MST1R: variants seen among roughly 807,000 people sequenced by gnomAD.
The protein encoded by MST1R is macrophage stimulating 1 receptor.
Under a neutral mutation model 117.8 loss-of-function variants are expected in MST1R, and 99 were observed. The ratio of observed to expected loss-of-function variants is 0.84; its 90% CI spans 0.71 to 0.99. The LOEUF is 0.99. MST1R is among the 50% of genes least tolerant of loss of function. MST1R has a pLI of 0.00. For missense variants in MST1R, 1,683 were observed against 1,840.2 expected (o/e 0.91, Z 1.56); for synonymous variants, 734 against 765.3 (o/e 0.96, Z 0.68).
At chr3:49,902,312 A>T in intron 1 of MST1R, 68 bp downstream of exon 1, 1 of 1,505,910 alleles carries the variant, frequency 6.6e-7, no homozygotes, top group Non-Finnish European at 9.0e-7. Context: ...TCAGTGATGG[A>T]AGGGAAGCAG....
chr3:49,888,136 A>G (rs1215016319), intron 19 of MST1R, among the ~76,000 whole-genome samples: 1 of 151,944 alleles, frequency 6.6e-6, no homozygotes, highest in African/African-American at 2.4e-5. Context: ...TACTAAAAAT[A>G]CAAAAATTAA....
In MST1R at chr3:49,895,390, T is replaced by G. The variant is rs766465288; in HGVS notation, c.3065-17A>C. The G allele has an allele frequency of 6.2e-7, 1 of 1,614,024 alleles. No homozygotes were observed. ...CAGGGAGTGCTGTGGGGAGAGGGAA[T>G]GAGGAGCTTGTAGGGACAGGGGGTG... On this transcript the variant is annotated splice_polypyrimidine_tract_variant and intron_variant, in intron 13 of 19. Transcript: ENST00000296474.
At chr3:49,900,849 G>A (rs1012327062) in intron 1 of MST1R, among the ~76,000 whole-genome samples, 4 of 152,196 alleles carry the variant, frequency 2.6e-5, no homozygotes, top group African/African-American at 4.8e-5. Context: ...AGTGTCCAAT[G>A]TCCCATGGAG....
Position 49,898,938 on chromosome 3 carries a change from C to G in MST1R, c.1477G>C (p.Asp493His). The change falls in exon 3 of 20, where the codon GAC becomes CAC. Residue 493 changes from aspartate (D) to histidine (H), a missense_variant. Asp to His is a moderately conservative substitution (Grantham distance 81, BLOSUM62 -1). Transcript: ENST00000296474. ...LLYVSNFSLG[D>H]SGQPVQRDVS... ...TCCCGCTGCACGGGCTGCCCACTGT[C>G]ACCCAGTGAGAAGTTGGACACATAC... 1 of 1,614,204 alleles carries G rather than the reference C, an allele frequency of 6.2e-7. No homozygotes were observed.
rs1454465380 is a variant in MST1R, at chr3:49,896,636, G to A, written c.2346-3C>T. 2 of 1,614,108 alleles carry A rather than the reference G, an allele frequency of 1.2e-6. No homozygotes were observed. Among genetic ancestry groups the A allele is most frequent in the African/African-American group, 1.3e-5 (1 of 75,070 alleles). On this transcript the variant is annotated splice_polypyrimidine_tract_variant and splice_region_variant and intron_variant, in intron 8 of 19. Coordinates refer to ENST00000296474, the MANE Select transcript of MST1R (RefSeq NM_002447.4). ...CACAGATGGTGATGTGGGAGTTGCT[G>A]TGGAAGAGGGTAGGGTGGTAGGCTT...
intron 15 of MST1R, 72 bp downstream of exon 15, chr3:49,891,686 G>A: frequency 6.2e-7 from 1 of 1,608,120 alleles, no homozygotes; most frequent in South Asian, 1.1e-5. Context: ...CAGTAAGGTG[G>A]GAACACAGAG....
At position 49,895,283 on chromosome 3, in the gene MST1R, A is replaced by G; in HGVS notation, c.3155T>C (p.Leu1052Pro). The change falls in exon 14 of 20, where the codon CTG becomes CCG. Residue 1052 changes from leucine to proline, a missense_variant. Physicochemically the swap from Leu to Pro is moderately conservative, Grantham distance 98. Coordinates refer to ENST00000296474, the MANE Select transcript of MST1R (RefSeq NM_002447.4). ...DSEDESCVPL[L>P]RKESIQLRDL... ...CCTTAGCTGGATGGACTCTTTCCGCAGCAGTGGCACACAGGATTCATCTTC... is the reference window on the plus strand; with the variant it reads ...CCTTAGCTGGATGGACTCTTTCCGCGGCAGTGGCACACAGGATTCATCTTC... 1 of 1,614,238 alleles carries G rather than the reference A, an allele frequency of 6.2e-7. No individual in the cohort carries two copies. Among genetic ancestry groups the G allele is most frequent in the South Asian group, 1.1e-5 (1 of 91,088 alleles).
At chr3:49,890,682 C>A in intron 17 of MST1R, 32 bp from the exon 18 acceptor site, 3 of 1,583,216 alleles carry the variant, frequency 1.9e-6, no homozygotes, top group Non-Finnish European at 2.6e-6. Flanking sequence ...ACACTTAGGA[C>A]TGGCCCTTAC....
chr3:49,902,275 GC>G (rs574936338), intron 1 of MST1R, 104 bp downstream of exon 1: 7 of 1,439,272 alleles, frequency 4.9e-6, no homozygotes, highest in African/African-American at 1.4e-5. Context: ...CTTTCCGCCT[GC>G]CCCCCCACCG....
Position 49,902,862 on chromosome 3 carries a change from C to T in MST1R, c.748G>A (p.Val250Met), listed in dbSNP as rs769946639. Residue 250 changes from valine to methionine, a missense_variant, in exon 1 of 20, where the codon GTG becomes ATG. Coordinates refer to ENST00000296474, the MANE Select transcript of MST1R (RefSeq NM_002447.4). ...KHLVSYSIEY[V>M]HSFHTGAFVY... Reference sequence around the variant, plus strand: ...AAGGCTCCCGTGTGGAAGCTGTGCACGTATTCAATACTGTAGGAGACAAGA... The same window carrying T: ...AAGGCTCCCGTGTGGAAGCTGTGCATGTATTCAATACTGTAGGAGACAAGA... 7.4e-6 allele frequency: 12 copies of T among 1,613,486 alleles called. No homozygotes were observed. Among genetic ancestry groups the T allele is most frequent in the African/African-American group, 2.7e-5 (2 of 74,952 alleles).
At chr3:49,901,392 C>T (rs1255011208) in intron 1 of MST1R, among the ~76,000 whole-genome samples, 2 of 152,156 alleles carry the variant, frequency 1.3e-5, no homozygotes, top group African/African-American at 4.8e-5. Context: ...CTGTTGCCTA[C>T]ACGATGGCTG....
chr3:49,899,264 C>T lies in MST1R; in HGVS notation c.1231-1G>A. 1.2e-6 allele frequency: 2 copies of T among 1,613,872 alleles called. No individual in the cohort carries two copies. The highest frequency in any genetic ancestry group is 2.2e-5 in the South Asian group (2 of 91,072). ...TGGGGCTGAGGGCTTCCAGGCCAGG[C>T]TGGGAAAGGTCAGGGAAGGGAAGGA... is the stretch of plus-strand genomic sequence containing the variant. On this transcript the variant is annotated splice_acceptor_variant, in intron 1 of 19. Coordinates refer to ENST00000296474, the MANE Select transcript of MST1R (RefSeq NM_002447.4). LOFTEE classifies it high-confidence loss of function.
rs772228896 is a variant in MST1R, at chr3:49,896,761, G to A, written c.2313C>T (p.Val771=). The A allele has an allele frequency of 1.1e-5, 18 of 1,581,716 alleles. No homozygotes were observed. The highest frequency in any genetic ancestry group is 1.7e-4 in the Middle Eastern group (1 of 6,032). The change falls in exon 8 of 20, where the codon GTC becomes GTT. Residue 771 remains valine, a synonymous_variant. Transcript: ENST00000296474. ...SWTFQYREDP[V]VLSISPNCGY... is the part of the protein sequence containing the mutation. ...CACAGTTGGGGCTGATGCTTAGCAC[G>A]ACAGGGTCTTCTCTGTACTGGAAGG...
At position 49,896,500 on chromosome 3, in the gene MST1R, C is replaced by A. The variant is rs376751199; in HGVS notation, c.2439+40G>T. ...CGAGGTTGGGCTGCAGCTCAGGGAA[C>A]TCATCCAGCCTTCCTCCCTCCTGGC... On this transcript the variant is annotated intron_variant, in intron 9 of 19. Coordinates refer to ENST00000296474, the MANE Select transcript of MST1R (RefSeq NM_002447.4). The A allele has an allele frequency of 3.1e-6, 5 of 1,611,460 alleles. No individual in the cohort carries two copies. In the African/African-American group the frequency reaches 6.7e-5, roughly 22 times the overall value.
chr3:49,899,175 T>G lies in MST1R; in HGVS notation c.1319A>C (p.Asn440Thr). ...SSSFSRVDLF[N>T]GLLGPVQVTA... ...GACCTGTACTGGTCCCAACAGCCCATTGAATAGGTCCACACGTGAGAAGCT... is the reference window on the plus strand; with the variant it reads ...GACCTGTACTGGTCCCAACAGCCCAGTGAATAGGTCCACACGTGAGAAGCT... The change falls in exon 2 of 20, where the codon AAT becomes ACT. Residue 440 changes from asparagine to threonine, a missense_variant. Coordinates refer to ENST00000296474, the MANE Select transcript of MST1R (RefSeq NM_002447.4). 6.2e-7 allele frequency: 1 copy of G among 1,614,104 alleles called. No individual in the cohort carries two copies. Among genetic ancestry groups the G allele is most frequent in the Non-Finnish European group, 8.5e-7 (1 of 1,180,028 alleles).
At chr3:49,896,708 G>A in intron 8 of MST1R, 21 bp downstream of exon 8, 1 of 1,604,870 alleles carries the variant, frequency 6.2e-7, no homozygotes, top group Non-Finnish European at 8.5e-7. Context: ...AGGCCAGAGT[G>A]GGCAAAGAGG....
At chr3:49,893,916 A>T (rs1281777110) in intron 14 of MST1R, among the ~76,000 whole-genome samples, 57 of 146,920 alleles carry the variant, frequency 3.9e-4, no homozygotes, top group East Asian at 1.6e-3. Flanking sequence ...AAAAAAAAAT[A>T]AAATAAAATA....
In MST1R at chr3:49,902,380, C is replaced by T. The variant is rs762950518; in HGVS notation, c.1230G>A (p.Pro410=). 4.0e-5 allele frequency: 64 copies of T among 1,612,290 alleles called. No homozygotes were observed. Among genetic ancestry groups the T allele is most frequent in the South Asian group, 8.8e-5 (8 of 90,968 alleles). ...FFQSPSFCPN[P]PGLEALSPNT... ...GTAAGGGCCCCTTCTTTCAGCTTAC[C>T]GGGTTGGGGCAAAAACTGGGCGACT... is the stretch of plus-strand genomic sequence containing the variant. The change falls in exon 1 of 20, where the codon CCG becomes CCA. Residue 410 remains proline, a splice_region_variant and synonymous_variant. Coordinates refer to ENST00000296474, the MANE Select transcript of MST1R (RefSeq NM_002447.4).
At chr3:49,888,539 T>A (rs887837549) in intron 19 of MST1R, among the ~76,000 whole-genome samples, 2 of 151,362 alleles carry the variant, frequency 1.3e-5, no homozygotes, top group African/African-American at 4.9e-5. Context: ...GAGGCAGAGG[T>A]TGCAGTGAGC....
Sources: gnomAD v4.1 joint callset for allele counts (sites outside exome capture counted in the v4.1 genomes callset) on GRCh38, gnomAD v4.1.1 for gene constraint, MANE v1.5 for transcripts, NCBI Gene and HGNC (gene_info 2026-07-23, HGNC 2026-07-21) for gene names.